ZIM2: variants seen among roughly 807,000 people sequenced by gnomAD.
ZIM2 encodes zinc finger protein 656.
In ZIM2, 14 loss-of-function variants were observed where a neutral mutation model predicts 38.6. The ratio of observed to expected loss-of-function variants is 0.36; its 90% CI spans 0.24 to 0.57. ZIM2 has a LOEUF of 0.57. ZIM2 is among the 20% of genes least tolerant of loss of function. ZIM2 has a pLI of 0.81. For synonymous variants in ZIM2, 247 were observed against 245.8 expected (o/e 1.00, Z -0.04); for missense variants, 680 against 695.1 (o/e 0.98, Z 0.24).
chr19:56,795,981 G>C (rs866338474), intron 9 of ZIM2, among the ~76,000 whole-genome samples: 1 of 152,102 alleles, frequency 6.6e-6, no homozygotes, highest in African/African-American at 2.4e-5. Flanking sequence ...GAAAATAAGC[G>C]GTAGTCAGTG....
Position 56,812,472 on chromosome 19 carries a change from C to T in ZIM2, c.490+5274G>A, listed in dbSNP as rs968351069. Reference sequence around the variant, plus strand: ...TGGAGTTAGAGGGTCAGATAAATAACGAAGAGAATTAAGTTAGCGATAGAA... The same window carrying T: ...TGGAGTTAGAGGGTCAGATAAATAATGAAGAGAATTAAGTTAGCGATAGAA... On this transcript the variant is annotated intron_variant, in intron 9 of 12. Coordinates refer to ENST00000629319, the MANE Select transcript of ZIM2 (RefSeq NM_001387356.1). The T allele has an allele frequency of 1.7e-5, 17 of 983,712 alleles. No individual in the cohort carries two copies. The South Asian group carries it at 4.2e-4, about 25-fold the overall frequency. The allele number at this position is 983,712 out of a possible 1,614,324, so 60.9% of individuals were successfully genotyped here. A position where few individuals can be genotyped will look rare whatever the true frequency, so the allele number is the denominator to read the frequency against.
In ZIM2 at chr19:56,811,811, C is replaced by T. The variant is rs541907100; in HGVS notation, c.490+5935G>A. The T allele has an allele frequency of 2.8e-4, 277 of 985,558 alleles. 3 individuals carry two copies. In the South Asian group the frequency reaches 0.011, roughly 39 times the overall value. The allele number at this position is 985,558 out of a possible 1,614,324, so 61.1% of individuals were successfully genotyped here. A position where few individuals can be genotyped will look rare whatever the true frequency, so the allele number is the denominator to read the frequency against. On this transcript the variant is annotated intron_variant, in intron 9 of 12. Transcript: ENST00000629319. ...CTCCTTTTCCAAACTGCTCAGGACA[C>T]CCCGCTCAATTCATTCTCAGAAACC...
Position 56,811,131 on chromosome 19 carries a change from AGT to A in ZIM2, c.490+6613_490+6614del, listed in dbSNP as rs1217949032. On this transcript the variant is annotated intron_variant, in intron 9 of 12. Transcript: ENST00000629319. ...TTCCTCCACTTTTCTGTATTTTCCAAGTGTGTGATAATGAGTTCAAATTATGT... is the reference window on the plus strand; with the variant it reads ...TTCCTCCACTTTTCTGTATTTTCCAAGTGTGATAATGAGTTCAAATTATGT... The A allele has an allele frequency of 4.1e-6, 4 of 983,420 alleles. No individual in the cohort carries two copies. The African/African-American group carries it at 7.0e-5, about 17-fold the overall frequency. The allele number at this position is 983,420 out of a possible 1,614,324, so 60.9% of individuals were successfully genotyped here.
At chr19:56,778,879 G>A (rs1277071374) in intron 12 of ZIM2, among the ~76,000 whole-genome samples, 1 of 152,100 alleles carries the variant, frequency 6.6e-6, no homozygotes, top group South Asian at 2.1e-4. Context: ...CTATAAGGAC[G>A]CTAGTGGGAA....
Position 56,811,831 on chromosome 19 carries a change from G to A in ZIM2, c.490+5915C>T, listed in dbSNP as rs992150503. The A allele has an allele frequency of 5.3e-5, 52 of 985,510 alleles. No homozygotes were observed. In the African/African-American group the frequency reaches 8.5e-4, roughly 16 times the overall value. The allele number at this position is 985,510 out of a possible 1,614,324, so 61.0% of individuals were successfully genotyped here. A position where few individuals can be genotyped will look rare whatever the true frequency, so the allele number is the denominator to read the frequency against. ...GGACACCCCGCTCAATTCATTCTCA[G>A]AAACCTGGCCTTCTACAGTTCTTGC... On this transcript the variant is annotated intron_variant, in intron 9 of 12. Coordinates refer to ENST00000629319, the MANE Select transcript of ZIM2 (RefSeq NM_001387356.1).
intron 4 of ZIM2, 21 bp downstream of exon 4, chr19:56,824,241 A>G (rs773230815): frequency 1.2e-6 from 2 of 1,609,256 alleles, no homozygotes; most frequent in South Asian, 1.1e-5. Context: ...CTGACCACCA[A>G]CACCCCGTGG....
chr19:56,775,276 A>G lies in ZIM2; in HGVS notation c.1089T>C (p.Phe363=), dbSNP rs200715219. 5.9e-5 allele frequency: 96 copies of G among 1,614,154 alleles called. No individual in the cohort carries two copies. Among genetic ancestry groups the G allele is most frequent in the Middle Eastern group, 1.6e-4 (1 of 6,062 alleles). ...CTTGCGTACTAAAGGTTCGTTTGCA[A>G]AATTCACATCTGTTGTGTTTGTTCT... ...SQENKHNRCE[F]CKRTFSTQVA... The change falls in exon 13 of 13, where the codon TTT becomes TTC. Residue 363 remains phenylalanine (F), a synonymous_variant. Coordinates refer to ENST00000629319, the MANE Select transcript of ZIM2 (RefSeq NM_001387356.1).
chr19:56,839,975 C>A (rs1384456203), intron 1 of ZIM2, among the ~76,000 whole-genome samples: 4 of 152,250 alleles, frequency 2.6e-5, no homozygotes, highest in African/African-American at 9.6e-5. Context: ...GGAAAGAAAA[C>A]CCCTACAGGC....
intron 8 of ZIM2, 124 bp downstream of exon 8, chr19:56,818,476 T>A: frequency 9.5e-7 from 1 of 1,048,078 alleles, no homozygotes; most frequent in Non-Finnish European, 1.4e-6. Context: ...CTTTCAAAGA[T>A]TTCTTATTAC....
At chr19:56,823,323 C>T (rs906851953) in intron 5 of ZIM2, among the ~76,000 whole-genome samples, 4 of 152,202 alleles carry the variant, frequency 2.6e-5, no homozygotes, top group African/African-American at 9.6e-5. Context: ...GCTGGGGGTA[C>T]AGCTGGAAGC....
chr19:56,777,373 T>C (rs2046075397), intron 12 of ZIM2, among the ~76,000 whole-genome samples: 2 of 152,230 alleles, frequency 1.3e-5, no homozygotes, highest in Admixed American at 1.3e-4. Context: ...TATTTCAGCA[T>C]GTTCTGTCAG....
intron 10 of ZIM2, among the ~76,000 whole-genome samples, chr19:56,787,024 A>G (rs939949098): frequency 6.6e-6 from 1 of 151,534 alleles, no homozygotes; most frequent in African/African-American, 2.4e-5. Context: ...TTTAGTAGAG[A>G]TGCGGTTTCG....
At chr19:56,786,271 C>T (rs1182575553) in intron 10 of ZIM2, among the ~76,000 whole-genome samples, 2 of 151,814 alleles carry the variant, frequency 1.3e-5, no homozygotes, top group Non-Finnish European at 1.5e-5. Context: ...AAGGCAATAT[C>T]CTCCTTAAGA....
rs1487131379 is a variant in ZIM2 at position 56,817,650 on chromosome 19, A to G, written c.490+96T>C. ...AGGACAGTGGGACTTGGAGGGGTGC[A>G]CCCTTCTGTGATGTTTAGGAATGCA... On this transcript the variant is annotated intron_variant, in intron 9 of 12. Coordinates refer to ENST00000629319, the MANE Select transcript of ZIM2 (RefSeq NM_001387356.1). The G allele has an allele frequency of 3.3e-6, 5 of 1,512,318 alleles. No individual in the cohort carries two copies. The African/African-American group carries it at 6.9e-5, about 21-fold the overall frequency. The allele number at this position is 1,512,318 out of a possible 1,614,324, so 93.7% of individuals were successfully genotyped here. A position where few individuals can be genotyped will look rare whatever the true frequency, so the allele number is the denominator to read the frequency against.
chr19:56,822,608 C>A, intron 6 of ZIM2, 145 bp downstream of exon 6: 1 of 1,106,658 alleles, frequency 9.0e-7, no homozygotes, highest in Non-Finnish European at 1.3e-6. Context: ...TTCAAAAATA[C>A]GAGCCTTGGA....
intron 11 of ZIM2, among the ~76,000 whole-genome samples, chr19:56,780,541 G>A (rs2046279116): frequency 6.6e-6 from 1 of 152,040 alleles, no homozygotes; most frequent in Non-Finnish European, 1.5e-5. Context: ...ACTGCGCCTG[G>A]CCAATACGCT....
chr19:56,793,506 T>TA (rs1385574124), intron 9 of ZIM2, among the ~76,000 whole-genome samples: 1 of 152,154 alleles, frequency 6.6e-6, no homozygotes, highest in Non-Finnish European at 1.5e-5. Context: ...CATACAGACT[T>TA]ACAACTAGCC....
At chr19:56,815,554 C>G in intron 9 of ZIM2, 1 of 1,613,822 alleles carries the variant, frequency 6.2e-7, no homozygotes, top group South Asian at 1.1e-5. Flanking sequence ...CCCTCGAGGG[C>G]GAAATGTTTG....
At chr19:56,820,618 G>A (rs1190343617) in intron 7 of ZIM2, among the ~76,000 whole-genome samples, 1 of 152,122 alleles carries the variant, frequency 6.6e-6, no homozygotes, top group Non-Finnish European at 1.5e-5. Flanking sequence ...GCGTGCTCCT[G>A]GCTCTAAATG....
Sources: allele counts gnomAD v4.1 joint callset (sites outside exome capture counted in the v4.1 genomes callset), GRCh38; gene constraint gnomAD v4.1.1; transcripts MANE v1.5; gene names NCBI Gene and HGNC (gene_info 2026-07-23, HGNC 2026-07-21).